IL11RA: variants seen among roughly 807,000 people sequenced by gnomAD.
IL11RA encodes the protein interleukin 11 receptor subunit alpha.
Under a neutral mutation model 57.0 loss-of-function variants are expected in IL11RA, and 51 were observed. That is an observed-to-expected ratio of 0.89 (90% CI 0.71 to 1.13). The LOEUF (loss-of-function observed/expected upper bound fraction) is 1.13. Among genes scored for constraint, IL11RA ranks in the 50% most tolerant of loss-of-function variants. The pLI, the probability that IL11RA is intolerant of heterozygous loss-of-function variation, is 0.00. For missense variants in IL11RA, 498 were observed against 539.4 expected (o/e 0.92, Z 0.76); for synonymous variants, 199 against 217.5 (o/e 0.91, Z 0.75).
rs1312122029 is a variant in IL11RA at position 34,653,862 on chromosome 9, T to C, written c.1-1356T>C. 1 of 151,588 alleles carries C rather than the reference T, an allele frequency of 6.6e-6. No individual in the cohort carries two copies. Among genetic ancestry groups the C allele is most frequent in the Admixed American group, 6.6e-5 (1 of 15,192 alleles). The allele number at this position is 151,588 out of a possible 1,614,324, so 9.4% of individuals were successfully genotyped here. A position where few individuals can be genotyped will look rare whatever the true frequency, so the allele number is the denominator to read the frequency against. Reference sequence around the variant, plus strand: ...GCTAGGGGCGGCAGAGCTCCAGGGCTTAGAGGGGGCGGGGCAGGGAAGGGG... The same window carrying C: ...GCTAGGGGCGGCAGAGCTCCAGGGCCTAGAGGGGGCGGGGCAGGGAAGGGG... On this transcript the variant is annotated intron_variant, in intron 1 of 12. Coordinates refer to ENST00000441545, the MANE Select transcript of IL11RA (RefSeq NM_001142784.3). This position sits in a 1 kb window ranked among gnomAD's most constrained non-coding sequence, Gnocchi z 4.5.
rs1421031256 is a variant in IL11RA, at chr9:34,653,374, G to A, written c.-1+1141G>A. 6.6e-6 allele frequency among the ~76,000 whole-genome samples: 1 copy of A among 152,162 alleles called. No individual in the cohort carries two copies. Among genetic ancestry groups the A allele is most frequent in the Non-Finnish European group, 1.5e-5 (1 of 68,024 alleles). The stretch of plus-strand genomic sequence containing the variant: ...CACCAAGGGACCAAAGGCATTTCCT[G>A]GTGCTGGGGCCCAAAGAATGGAGGG... On this transcript the variant is annotated intron_variant, in intron 1 of 12. Transcript: ENST00000441545. This position sits in a 1 kb window ranked among gnomAD's most constrained non-coding sequence, Gnocchi z 4.5.
chr9:34,657,594 ACCCACC>A lies in IL11RA; in HGVS notation c.646+10_646+15del. ...GTGAGCTTGCAGAGCATCTGTGAGT[ACCCACC>A]CCAGACCTCCCCCAGACCCCCATCA... On this transcript the variant is annotated splice_region_variant and intron_variant, in intron 7 of 12. Coordinates refer to ENST00000441545, the MANE Select transcript of IL11RA (RefSeq NM_001142784.3). 6.2e-7 allele frequency: 1 copy of A among 1,613,498 alleles called. No individual in the cohort carries two copies. The highest frequency in any genetic ancestry group is 8.5e-7 in the Non-Finnish European group (1 of 1,179,706).
chr9:34,655,890 T>G (rs1821334977), intron 3 of IL11RA: 1 of 600,358 alleles, frequency 1.7e-6, no homozygotes, highest in African/African-American at 1.8e-5. Context: ...ACAGCAGTGC[T>G]AATGCCAGGC....
chr9:34,661,370 A>C, intron 12 of IL11RA, 112 bp from the exon 13 acceptor site: 1 of 1,156,318 alleles, frequency 8.6e-7, no homozygotes, highest in East Asian at 2.3e-5. Context: ...GGGCTCCTCT[A>C]CTCATCTTCA....
rs890629700 is a variant in IL11RA, at chr9:34,657,498, A to T, written c.557A>T (p.Glu186Val). The T allele has an allele frequency of 6.2e-7, 1 of 1,614,058 alleles. No individual in the cohort carries two copies. The highest frequency in any genetic ancestry group is 1.3e-5 in the African/African-American group (1 of 74,904). Residue 186 changes from glutamate (E) to valine (V), a missense_variant, in exon 7 of 13, where the codon GAG becomes GTG. By Grantham distance (121) the Glu-to-Val change is moderately radical. Coordinates refer to ENST00000441545, the MANE Select transcript of IL11RA (RefSeq NM_001142784.3). ...GAARCVVHGA[E>V]FWSQYRINVT... Reference sequence around the variant, plus strand: ...GCCCGCTGTGTTGTCCACGGGGCTGAGTTCTGGAGCCAGTACCGGATTAAT... The same window carrying T: ...GCCCGCTGTGTTGTCCACGGGGCTGTGTTCTGGAGCCAGTACCGGATTAAT...
chr9:34,660,223 C>A (rs926700967), intron 9 of IL11RA, 51 bp from the exon 10 acceptor site: 3 of 1,613,494 alleles, frequency 1.9e-6, no homozygotes, highest in African/African-American at 1.3e-5. Flanking sequence ...CAGGACGTGA[C>A]CCCCGTCCCC....
In IL11RA at chr9:34,658,666, C is replaced by T; in HGVS notation, c.793C>T (p.His265Tyr). ...CCGTTTGCAGTACCGTCCGGCGCAGCATCCAGCCTGGTCCACGGTGAGGCC... is the reference window on the plus strand; with the variant it reads ...CCGTTTGCAGTACCGTCCGGCGCAGTATCCAGCCTGGTCCACGGTGAGGCC... Reference protein sequence around the residue: ...KFRLQYRPAQHPAWSTVEPAG... With the variant: ...KFRLQYRPAQYPAWSTVEPAG... The change falls in exon 8 of 13, where the codon CAT becomes TAT. Residue 265 changes from histidine (H) to tyrosine (Y), a missense_variant. Transcript: ENST00000441545. This position sits in a 1 kb window ranked among gnomAD's most constrained non-coding sequence, Gnocchi z 4.0. 6.2e-7 allele frequency: 1 copy of T among 1,613,326 alleles called. No individual in the cohort carries two copies. Among genetic ancestry groups the T allele is most frequent in the Non-Finnish European group, 8.5e-7 (1 of 1,180,032 alleles).
At chr9:34,656,018 G>A (rs1200201621) in intron 3 of IL11RA, 2 of 351,066 alleles carry the variant, frequency 5.7e-6, no homozygotes, top group Non-Finnish European at 1.1e-5. Flanking sequence ...TGTCGAAGAG[G>A]ACAACTGAGT....
intron 10 of IL11RA, 45 bp from the exon 11 acceptor site, chr9:34,660,459 G>A (rs1386155094): frequency 6.2e-7 from 1 of 1,613,998 alleles, no homozygotes; most frequent in African/African-American, 1.3e-5. Flanking sequence ...GGGACACCGA[G>A]CTTGGTCAGG....
rs914131533 is a variant in IL11RA at position 34,661,512 on chromosome 9, G to T, written c.*14G>T. ...CCAAACCTGTAGAGGACCCAGGAGGGCTTCGGCAGATTCCACCTATAATTC... is the reference window on the plus strand; with the variant it reads ...CCAAACCTGTAGAGGACCCAGGAGGTCTTCGGCAGATTCCACCTATAATTC... On this transcript the variant is annotated 3_prime_UTR_variant, in exon 13 of 13. Transcript: ENST00000441545. The T allele has an allele frequency of 1.2e-6, 2 of 1,613,622 alleles. No individual in the cohort carries two copies. Among genetic ancestry groups the T allele is most frequent in the East Asian group, 4.5e-5 (2 of 44,878 alleles).
At chr9:34,655,054 G>T (rs1483094864) in intron 1 of IL11RA, 164 bp from the exon 2 acceptor site, 2 of 669,324 alleles carry the variant, frequency 3.0e-6, no homozygotes, top group Middle Eastern at 3.6e-4. Flanking sequence ...GGTATACAGT[G>T]GGAAAGGGGA....
In IL11RA at chr9:34,659,856, C is replaced by T. The variant is rs1158656505; in HGVS notation, c.908C>T (p.Thr303Ile). ...GCCCGGGACTTTCTAGATGCTGGCACCTGGAGCACCTGGAGCCCGGAGGCC... is the reference window on the plus strand; with the variant it reads ...GCCCGGGACTTTCTAGATGCTGGCATCTGGAGCACCTGGAGCCCGGAGGCC... The part of the protein sequence containing the change: ...VSARDFLDAG[T>I]WSTWSPEAWG... The change falls in exon 9 of 13, where the codon ACC (threonine) becomes ATC (isoleucine). Residue 303 changes from threonine (T) to isoleucine (I), a missense_variant. By Grantham distance (89) the Thr-to-Ile change is moderately conservative. Transcript: ENST00000441545. 1.9e-6 allele frequency: 3 copies of T among 1,614,156 alleles called. No homozygotes were observed. The highest frequency in any genetic ancestry group is 2.5e-6 in the Non-Finnish European group (3 of 1,180,008).
At position 34,660,885 on chromosome 9, in the gene IL11RA, T is replaced by C. The variant is rs773163180; in HGVS notation, c.1201T>C (p.Ser401Pro). The change falls in exon 12 of 13, where the codon TCC becomes CCC. Residue 401 changes from serine to proline, a missense_variant. Physicochemically the swap from Ser to Pro is moderately conservative, Grantham distance 74. Coordinates refer to ENST00000441545, the MANE Select transcript of IL11RA (RefSeq NM_001142784.3). ...GCTGAGACGGGGTGGGAAGGATGGA[T>C]CCCCAAAGCCTGGGTTCTTGGCCTC... ...LRLRRGGKDG[S>P]PKPGFLASVI... 2.5e-6 allele frequency: 4 copies of C among 1,614,030 alleles called. 1 individual carries two copies. The highest frequency in any genetic ancestry group is 3.3e-5 in the Admixed American group (2 of 60,004).
intron 5 of IL11RA, 74 bp downstream of exon 5, chr9:34,657,223 G>A (rs1821363067): frequency 6.2e-7 from 1 of 1,609,014 alleles, no homozygotes. Context: ...GAGGCAGGGA[G>A]GTAGGTTCTG....
chr9:34,659,934 C>T, intron 9 of IL11RA, 34 bp downstream of exon 9: 1 of 1,610,738 alleles, frequency 6.2e-7, no homozygotes. Context: ...GGGCAGAGGC[C>T]CCATCCCAAA....
In IL11RA at chr9:34,658,491, A is replaced by G. The variant is rs1276742688; in HGVS notation, c.647-29A>G. 1.2e-6 allele frequency: 2 copies of G among 1,613,022 alleles called. No individual in the cohort carries two copies. Among genetic ancestry groups the G allele is most frequent in the Non-Finnish European group, 1.7e-6 (2 of 1,179,204 alleles). ...GGGAAGTGATGGAGACCCATAGCCT[A>G]CCCTGACTTTGTGTCTTGATGCCCT... On this transcript the variant is annotated intron_variant, in intron 7 of 12. Coordinates refer to ENST00000441545, the MANE Select transcript of IL11RA (RefSeq NM_001142784.3). This position sits in a 1 kb window ranked among gnomAD's most constrained non-coding sequence, Gnocchi z 4.0.
In IL11RA at chr9:34,660,947, C is replaced by A; in HGVS notation, c.1252+11C>A. On this transcript the variant is annotated intron_variant, in intron 12 of 12. Transcript: ENST00000441545. ...TGGACAGGCGTCCAGGTGAGTAGGA[C>A]ATCCAGAAGATTTGGACTTGGAGAT... The A allele has an allele frequency of 1.2e-6, 2 of 1,605,044 alleles. No individual in the cohort carries two copies. Among genetic ancestry groups the A allele is most frequent in the Non-Finnish European group, 1.7e-6 (2 of 1,172,194 alleles).
rs1212704321 is a variant in IL11RA, at chr9:34,660,904, T to G, written c.1220T>G (p.Leu407Trp). ...GKDGSPKPGF[L>W]ASVIPVDRRP... ...GATGGATCCCCAAAGCCTGGGTTCT[T>G]GGCCTCAGTGATTCCAGTGGACAGG... is the stretch of plus-strand genomic sequence containing the variant. Residue 407 changes from leucine to tryptophan, a missense_variant, in exon 12 of 13, where the codon TTG (leucine) becomes TGG (tryptophan). By Grantham distance (61) the Leu-to-Trp change is moderately conservative (BLOSUM62 -2). Coordinates refer to ENST00000441545, the MANE Select transcript of IL11RA (RefSeq NM_001142784.3). The G allele has an allele frequency of 6.2e-7, 1 of 1,614,198 alleles. No individual in the cohort carries two copies. Among genetic ancestry groups the G allele is most frequent in the South Asian group, 1.1e-5 (1 of 91,088 alleles).
intron 9 of IL11RA, 132 bp from the exon 10 acceptor site, chr9:34,660,142 A>G: frequency 7.2e-7 from 1 of 1,385,428 alleles, no homozygotes; most frequent in South Asian, 1.2e-5. Context: ...GCTCCCTAGG[A>G]GCTGGCCATG....
Sources: allele counts gnomAD v4.1 joint callset (sites outside exome capture counted in the v4.1 genomes callset), GRCh38; gene constraint gnomAD v4.1.1; non-coding constraint Gnocchi (gnomAD v3.1); transcripts MANE v1.5; gene names NCBI Gene and HGNC (gene_info 2026-07-23, HGNC 2026-07-21).